The following SEC63 variants were observed in gnomAD, a reference collection of about 807,000 sequenced individuals.
SEC63 encodes the protein translocation protein SEC63 homolog.
SEC63 carries 56 observed loss-of-function variants against 116.2 expected under a neutral mutation model. The ratio of observed to expected loss-of-function variants is 0.48; its 90% CI spans 0.39 to 0.60. The LOEUF (loss-of-function observed/expected upper bound fraction) is 0.60, where lower values mean the gene tolerates loss of function less well. Ranked by LOEUF, SEC63 falls within the 20% of genes least tolerant of loss-of-function variation. SEC63 has a pLI of 0.00. For missense variants in SEC63, 668 were observed against 900.0 expected (o/e 0.74, Z 3.30); for synonymous variants, 273 against 294.6 (o/e 0.93, Z 0.75).
intron 10 of SEC63, among the ~76,000 whole-genome samples, chr6:107,905,311 C>G (rs964358339): frequency 6.6e-6 from 1 of 152,182 alleles, no homozygotes; most frequent in East Asian, 1.9e-4. Context: ...TTCAAAGCAA[C>G]TCCAATGATA....
intron 1 of SEC63, among the ~76,000 whole-genome samples, chr6:107,934,253 C>T (rs1200928968): frequency 6.6e-6 from 1 of 151,572 alleles, no homozygotes; most frequent in Admixed American, 6.6e-5. Flanking sequence ...TCTTCCCAGC[C>T]GCCATCCCGT....
chr6:107,919,569 T>A (rs1210731772), intron 4 of SEC63, among the ~76,000 whole-genome samples: 1 of 152,172 alleles, frequency 6.6e-6, no homozygotes, highest in Admixed American at 6.5e-5. Context: ...ACACCTGTAA[T>A]CCCAGCACTT....
chr6:107,897,031 GGGAGGGAGGGAAGGAA>G (rs762548015), intron 14 of SEC63, among the ~76,000 whole-genome samples: 7 of 151,094 alleles, frequency 4.6e-5, no homozygotes, highest in Non-Finnish European at 8.9e-5. Flanking sequence ...AAGGGAAGGA[GGGAGGGAGGGAAGGAA>G]GGAAGGAAAT....
At chr6:107,894,838 A>C (rs1786776705) in intron 14 of SEC63, among the ~76,000 whole-genome samples, 1 of 151,848 alleles carries the variant, frequency 6.6e-6, no homozygotes, top group African/African-American at 2.4e-5. Context: ...TCCTGAGCTC[A>C]AAGGATCCTC....
At chr6:107,899,408 C>A (rs1488991769) in intron 13 of SEC63, among the ~76,000 whole-genome samples, 1 of 152,134 alleles carries the variant, frequency 6.6e-6, no homozygotes, top group Non-Finnish European at 1.5e-5. Flanking sequence ...TTCTAATATT[C>A]ATTTTTCTAA....
At chr6:107,912,502 T>C (rs896429918) in intron 6 of SEC63, among the ~76,000 whole-genome samples, 1 of 152,172 alleles carries the variant, frequency 6.6e-6, no homozygotes, top group African/African-American at 2.4e-5. Flanking sequence ...GGAGAATCGC[T>C]TGAACCCAGG....
At chr6:107,913,271 G>T in intron 5 of SEC63, 95 bp downstream of exon 5, 1 of 887,066 alleles carries the variant, frequency 1.1e-6, no homozygotes, top group Non-Finnish European at 1.9e-6. Flanking sequence ...GTGAGTATAA[G>T]TTTAGTAAGA....
chr6:107,906,781 A>C lies in SEC63; in HGVS notation c.734-4T>G. On this transcript the variant is annotated splice_polypyrimidine_tract_variant and splice_region_variant and intron_variant, in intron 8 of 20. Transcript: ENST00000369002. ...CCAGCCAAAACCATGATAAGACCTA[A>C]CAAAACAAAAGAAATATGAAGGTAA... The C allele has an allele frequency of 6.2e-7, 1 of 1,601,484 alleles. No homozygotes were observed. Among genetic ancestry groups the C allele is most frequent in the Non-Finnish European group, 8.6e-7 (1 of 1,168,568 alleles).
rs1786088332 is a variant in SEC63 at position 107,869,823 on chromosome 6, C to A, written c.*1881G>T. 6.8e-6 allele frequency: 1 copy of A among 147,516 alleles called. No homozygotes were observed. Among genetic ancestry groups the A allele is most frequent in the Non-Finnish European group, 1.5e-5 (1 of 67,246 alleles). The allele number at this position is 147,516 out of a possible 1,614,324, so 9.1% of individuals were successfully genotyped here. Reference sequence around the variant, plus strand: ...CACTGTGGTGTTACTAGGTTATCATCCTCTCCAGAATCTTAAAACCAGAGA... The same window carrying A: ...CACTGTGGTGTTACTAGGTTATCATACTCTCCAGAATCTTAAAACCAGAGA... On this transcript the variant is annotated 3_prime_UTR_variant, in exon 21 of 21. Transcript: ENST00000369002.
At chr6:107,930,362 G>A (rs954792052) in intron 1 of SEC63, among the ~76,000 whole-genome samples, 1 of 151,694 alleles carries the variant, frequency 6.6e-6, no homozygotes, top group African/African-American at 2.4e-5. Context: ...TGTAATCCCG[G>A]CACTTTGGGA....
At chr6:107,927,519 G>A (rs768753088) in intron 2 of SEC63, among the ~76,000 whole-genome samples, 28 of 152,212 alleles carry the variant, frequency 1.8e-4, no homozygotes, top group Admixed American at 6.5e-4. Flanking sequence ...TATCTAAATT[G>A]TTACCAGTAT....
chr6:107,900,611 G>A (rs1786978956), intron 13 of SEC63, among the ~76,000 whole-genome samples: 1 of 152,098 alleles, frequency 6.6e-6, no homozygotes, highest in Admixed American at 6.5e-5. Context: ...TCGCACCACT[G>A]CACTCCAGCC....
Position 107,886,379 on chromosome 6 carries a change from A to G in SEC63, c.1675-3233T>C, listed in dbSNP as rs561202673. On this transcript the variant is annotated intron_variant, in intron 16 of 20. Transcript: ENST00000369002. ...TAATCCTTTGGGTATATACCCAGTAATGGGATTGCTGGGTCAAGTATTCCT... is the reference window on the plus strand; with the variant it reads ...TAATCCTTTGGGTATATACCCAGTAGTGGGATTGCTGGGTCAAGTATTCCT... Among the ~76,000 whole-genome samples, 18 of 152,336 alleles carry G rather than the reference A, an allele frequency of 1.2e-4. 1 individual carries two copies. The highest frequency in any genetic ancestry group is 4.1e-4 in the African/African-American group (17 of 41,568).
chr6:107,944,283 G>A (rs1221614993), intron 1 of SEC63, among the ~76,000 whole-genome samples: 1 of 152,224 alleles, frequency 6.6e-6, no homozygotes, highest in East Asian at 1.9e-4. Context: ...GAAGGTTGGA[G>A]GGGAGGGGAA....
In SEC63 at chr6:107,890,939, C is replaced by T. The variant is rs1214227941; in HGVS notation, c.1674+2543G>A. ...TGTAAGGTTTCTGCCAAGAGATCTG[C>T]TGTTAGTCTGATGGGCTTCCCTTTG... is the stretch of plus-strand genomic sequence containing the variant. On this transcript the variant is annotated intron_variant, in intron 16 of 20. Transcript: ENST00000369002. 3.3e-5 allele frequency among the ~76,000 whole-genome samples: 5 copies of T among 152,220 alleles called. No homozygotes were observed. In the East Asian group the frequency reaches 9.6e-4, roughly 29 times the overall value.
At chr6:107,956,643 A>G (rs1185750880) in intron 1 of SEC63, among the ~76,000 whole-genome samples, 3 of 152,218 alleles carry the variant, frequency 2.0e-5, no homozygotes, top group Non-Finnish European at 4.4e-5. Flanking sequence ...AACGTACAAA[A>G]TGATGCAATC....
rs761612972 is a variant in SEC63, at chr6:107,893,637, T to A, written c.1519A>T (p.Asn507Tyr). 1.9e-6 allele frequency: 3 copies of A among 1,614,026 alleles called. No homozygotes were observed. The highest frequency in any genetic ancestry group is 1.7e-6 in the Non-Finnish European group (2 of 1,180,012). The part of the protein sequence containing the change: ...AEDGQGETNK[N>Y]RTKGGWQQKS... ...TGTTGCCATCCTCCTTTTGTCCTGTTCTTGTTAGTTTCACCCTGCTGTGAA... is the reference window on the plus strand; with the variant it reads ...TGTTGCCATCCTCCTTTTGTCCTGTACTTGTTAGTTTCACCCTGCTGTGAA... Residue 507 changes from asparagine (N) to tyrosine (Y), a missense_variant, in exon 16 of 21, where the codon AAC (asparagine) becomes TAC (tyrosine). Physicochemically the swap from Asn to Tyr is moderately radical, Grantham distance 143. Around this residue, in one of 5 missense-constraint regions of SEC63, gnomAD observed 430 missense variants for 557.5 expected, o/e 0.77. Coordinates refer to ENST00000369002, the MANE Select transcript of SEC63 (RefSeq NM_007214.5).
At chr6:107,896,260 T>C (rs1786814873) in intron 14 of SEC63, among the ~76,000 whole-genome samples, 1 of 152,162 alleles carries the variant, frequency 6.6e-6, no homozygotes, top group African/African-American at 2.4e-5. Flanking sequence ...GGTCAGGATT[T>C]CAGGACCAGC....
At chr6:107,882,446 A>G (rs1389289115) in intron 17 of SEC63, among the ~76,000 whole-genome samples, 1 of 152,160 alleles carries the variant, frequency 6.6e-6, no homozygotes, top group Non-Finnish European at 1.5e-5. Flanking sequence ...ATACTTTTAC[A>G]CCATATTAAT....
Sources: gnomAD v4.1 joint callset for allele counts (sites outside exome capture counted in the v4.1 genomes callset) on GRCh38, gnomAD v4.1.1 for gene constraint, gnomAD v4.1.1 regional missense constraint, MANE v1.5 for transcripts, NCBI Gene and HGNC (gene_info 2026-07-23, HGNC 2026-07-21) for gene names.